The following SPOCK1 variants were observed in gnomAD, a reference collection of about 807,000 sequenced individuals.
The protein encoded by SPOCK1 is testican-1.
In SPOCK1, 23 loss-of-function variants were observed where a neutral mutation model predicts 55.3. The ratio of observed to expected loss-of-function variants is 0.42; its 90% CI spans 0.30 to 0.59. The LOEUF is 0.59. SPOCK1 is among the 20% of genes least tolerant of loss of function. The pLI, the probability that SPOCK1 is intolerant of heterozygous loss-of-function variation, is 0.22. For missense variants in SPOCK1, 499 were observed against 552.5 expected, an observed-to-expected ratio of 0.90 and a Z score of 0.97; for synonymous variants, 226 against 221.0, an observed-to-expected ratio of 1.02 and a Z score of -0.20.
chr5:137,217,636 T>G (rs1303313945), intron 3 of SPOCK1, among the ~76,000 whole-genome samples: 2 of 152,224 alleles, frequency 1.3e-5, no homozygotes, highest in Non-Finnish European at 2.9e-5. Flanking sequence ...CTTGGCAAAG[T>G]CAGCCACTGT....
chr5:137,451,994 T>G (rs1405911094), intron 2 of SPOCK1, among the ~76,000 whole-genome samples: 1 of 152,244 alleles, frequency 6.6e-6, no homozygotes, highest in Non-Finnish European at 1.5e-5. Context: ...CATTATATAC[T>G]GACCTTGGTT....
At chr5:137,359,131 T>C (rs1750886786) in intron 2 of SPOCK1, among the ~76,000 whole-genome samples, 1 of 152,224 alleles carries the variant, frequency 6.6e-6, no homozygotes, top group Non-Finnish European at 1.5e-5. Context: ...CCATATGAAG[T>C]AAGAATTCTC....
chr5:137,131,989 A>AAAAAAAAATATAT (rs1391176339), intron 4 of SPOCK1, among the ~76,000 whole-genome samples: 2 of 36,064 alleles, frequency 5.5e-5, no homozygotes, highest in Non-Finnish European at 8.5e-5. Context: ...AAAAAAAAAA[A>AAAAAAAAATATAT]ATATATATAT....
intron 3 of SPOCK1, among the ~76,000 whole-genome samples, chr5:137,174,660 T>C (rs1457275395): frequency 6.6e-6 from 1 of 152,216 alleles, no homozygotes; most frequent in Admixed American, 6.5e-5. Flanking sequence ...ACAGTCCCCA[T>C]TCCAAAAGGG....
Position 137,024,319 on chromosome 5 carries a change from G to GT in SPOCK1, c.590-31720_590-31719insA, listed in dbSNP as rs1554093483. Among the ~76,000 whole-genome samples, 5 of 148,152 alleles carry GT rather than the reference G, an allele frequency of 3.4e-5. 1 individual carries two copies. Among genetic ancestry groups the GT allele is most frequent in the African/African-American group, 1.3e-4 (5 of 39,824 alleles). The stretch of plus-strand genomic sequence containing the variant: ...ACTAAATTGCACCAGTTTGAAGGGG[G>GT]GGGGGTAGTTACAACTGACTGCTCA... On this transcript the variant is annotated intron_variant, in intron 6 of 10. Coordinates refer to ENST00000394945, the MANE Select transcript of SPOCK1 (RefSeq NM_004598.4).
intron 7 of SPOCK1, among the ~76,000 whole-genome samples, chr5:136,991,571 A>G (rs531654747): frequency 6.6e-6 from 1 of 152,322 alleles, no homozygotes; most frequent in Admixed American, 6.5e-5. Flanking sequence ...AGAAATTCCA[A>G]ACAAGCAGGG....
intron 2 of SPOCK1, among the ~76,000 whole-genome samples, chr5:137,471,683 T>C (rs1256464602): frequency 6.6e-6 from 1 of 152,134 alleles, no homozygotes; most frequent in African/African-American, 2.4e-5. Context: ...GCATAGATAA[T>C]GATGGTTCCT....
rs192872643 is a variant in SPOCK1, at chr5:137,072,603, G to C, written c.475-4774C>G. Among the ~76,000 whole-genome samples, 234 of 152,278 alleles carry C rather than the reference G, an allele frequency of 1.5e-3. 4 individuals carry two copies. The highest frequency in any genetic ancestry group is 4.7e-4 in the Non-Finnish European group (32 of 68,030). On this transcript the variant is annotated intron_variant, in intron 5 of 10. Coordinates refer to ENST00000394945, the MANE Select transcript of SPOCK1 (RefSeq NM_004598.4). ...GAATGAGTGAATATTTTCCGTAAAT[G>C]GTCAGTAAATCTTTCTCTTTTATGA...
intron 2 of SPOCK1, among the ~76,000 whole-genome samples, chr5:137,403,991 T>C (rs1752040433): frequency 6.6e-6 from 1 of 152,116 alleles, no homozygotes; most frequent in Admixed American, 6.6e-5. Flanking sequence ...ACAGGGAAGA[T>C]GCAAAGGTGA....
intron 2 of SPOCK1, among the ~76,000 whole-genome samples, chr5:137,448,072 A>C (rs2149833838): frequency 6.6e-6 from 1 of 152,250 alleles, no homozygotes; most frequent in South Asian, 2.1e-4. Flanking sequence ...CCATGGTGAA[A>C]CCCCATCTCT....
chr5:137,495,363 T>C (rs533951425), intron 2 of SPOCK1, among the ~76,000 whole-genome samples: 15 of 152,292 alleles, frequency 9.8e-5, no homozygotes, highest in African/African-American at 3.1e-4. Flanking sequence ...CATTTCAAAG[T>C]TGACCCTGTA....
intron 2 of SPOCK1, among the ~76,000 whole-genome samples, chr5:137,297,319 C>T (rs1757507927): frequency 6.6e-6 from 1 of 152,108 alleles, no homozygotes; most frequent in Non-Finnish European, 1.5e-5. Context: ...CACAGCATAT[C>T]ATGATACATT....
chr5:137,189,012 T>G (rs1755125996), intron 3 of SPOCK1, among the ~76,000 whole-genome samples: 1 of 152,204 alleles, frequency 6.6e-6, no homozygotes, highest in African/African-American at 2.4e-5. Context: ...AGGCCCTAAT[T>G]CTCTTCAATT....
intron 9 of SPOCK1, among the ~76,000 whole-genome samples, chr5:136,982,044 C>T (rs1430505880): frequency 2.6e-5 from 4 of 152,174 alleles, no homozygotes; most frequent in African/African-American, 9.6e-5. Flanking sequence ...GTATTCAGTA[C>T]GATAAAATGG....
In SPOCK1 at chr5:137,300,463, G is replaced by A. The variant is rs537731379; in HGVS notation, c.187-33408C>T. Among the ~76,000 whole-genome samples, 18 of 152,280 alleles carry A rather than the reference G, an allele frequency of 1.2e-4. No homozygotes were observed. In the South Asian group the frequency reaches 3.5e-3, roughly 30 times the overall value. On this transcript the variant is annotated intron_variant, in intron 2 of 10. Coordinates refer to ENST00000394945, the MANE Select transcript of SPOCK1 (RefSeq NM_004598.4). ...TATAGAACATACTGTTGGCCACAAA[G>A]AGTCTCTAGGTTCTTTTATCTTTCT...
At chr5:137,403,635 G>A (rs1391678370) in intron 2 of SPOCK1, among the ~76,000 whole-genome samples, 1 of 151,968 alleles carries the variant, frequency 6.6e-6, no homozygotes, top group Non-Finnish European at 1.5e-5. Flanking sequence ...GGTGAGGGAG[G>A]CCTCCTTGGT....
rs191344735 is a variant in SPOCK1 at position 137,419,904 on chromosome 5, T to G, written c.186+78469A>C. Among the ~76,000 whole-genome samples the G allele has an allele frequency of 6.3e-3, 962 of 152,246 alleles. 13 individuals are homozygous for G. Among genetic ancestry groups the G allele is most frequent in the Non-Finnish European group, 7.7e-3 (527 of 68,018 alleles). ...CAGTTTTCAAAGGGAATGTTTCCAG[T>G]TTTTGCCCATTCAGTATGATATTGG... On this transcript the variant is annotated intron_variant, in intron 2 of 10. Coordinates refer to ENST00000394945, the MANE Select transcript of SPOCK1 (RefSeq NM_004598.4).
At chr5:137,079,895 A>C (rs531574215) in intron 5 of SPOCK1, among the ~76,000 whole-genome samples, 30 of 151,732 alleles carry the variant, frequency 2.0e-4, no homozygotes, top group African/African-American at 5.8e-4. Context: ...CCCACTCAAC[A>C]ACACACCGTC....
intron 9 of SPOCK1, among the ~76,000 whole-genome samples, chr5:136,980,073 C>T (rs540617728): frequency 7.2e-5 from 11 of 151,834 alleles, no homozygotes; most frequent in African/African-American, 2.4e-4. Flanking sequence ...CTTCCAGCCT[C>T]TAAGAAAGAG....
Sources: allele counts gnomAD v4.1 joint callset (sites outside exome capture counted in the v4.1 genomes callset), GRCh38; gene constraint gnomAD v4.1.1; transcripts MANE v1.5; gene names NCBI Gene and HGNC (gene_info 2026-07-23, HGNC 2026-07-21).